The following PCNX4 variants were observed in gnomAD, a reference collection of about 807,000 sequenced individuals.
PCNX4 encodes the protein pecanex-like protein 4.
Under a neutral mutation model 107.2 loss-of-function variants are expected in PCNX4, and 103 were observed. That is an observed-to-expected ratio of 0.96 (90% confidence interval 0.82 to 1.13). The LOEUF is 1.13. Among genes scored for constraint, PCNX4 ranks in the 50% most tolerant of loss-of-function variants. The probability of loss-of-function intolerance (pLI) is 0.00; values close to 1 mark genes in which losing one functional copy is unlikely to be tolerated. For synonymous variants in PCNX4, 541 were observed against 481.7 expected (o/e 1.12, Z -1.61); for missense variants, 1,528 against 1,379.4 (o/e 1.11, Z -1.71).
chr14:60,146,527 T>G lies in PCNX4; in HGVS notation c.*12306T>G, dbSNP rs1018487377. 1 of 152,192 alleles carries G rather than the reference T, an allele frequency of 6.6e-6. No homozygotes were observed. The highest frequency in any genetic ancestry group is 2.4e-5 in the African/African-American group (1 of 41,446). 9.4% of individuals were successfully genotyped at this position (152,192 alleles called of 1,614,324 possible). ...TTACCATCTGATCCAGCAATTCCAC[T>G]TAAGGGTATAAATCTAAAGGAAGTG... On this transcript the variant is annotated 3_prime_UTR_variant, in exon 11 of 11. Transcript: ENST00000406854. The surrounding 1 kb of genome is among the most constrained non-coding windows in gnomAD (Gnocchi z 4.9).
rs1197359549 is a variant in PCNX4 at position 60,124,347 on chromosome 14, A to G, written c.2176A>G (p.Thr726Ala). ...SLNEHFGNVL[T>A]PCTVLPVKLY... is the part of the protein sequence containing the mutation. The stretch of plus-strand genomic sequence containing the variant: ...TAATGAACACTTTGGAAATGTCTTG[A>G]CACCCTGTACTGTTTTGCCTGTGAA... Residue 726 changes from threonine to alanine, a missense_variant, in exon 9 of 11, where the codon ACA becomes GCA. By Grantham distance (58) the Thr-to-Ala change is moderately conservative (BLOSUM62 0). Coordinates refer to ENST00000406854, the MANE Select transcript of PCNX4 (RefSeq NM_001330177.2). 1 of 1,613,150 alleles carries G rather than the reference A, an allele frequency of 6.2e-7. No individual in the cohort carries two copies. The highest frequency in any genetic ancestry group is 1.7e-5 in the Admixed American group (1 of 59,794).
intron 2 of PCNX4, among the ~76,000 whole-genome samples, chr14:60,112,830 AAAGTATTGTCC>A (rs1330152911): frequency 6.6e-6 from 1 of 152,250 alleles, no homozygotes. Flanking sequence ...TTATTTTAAC[AAAGTATTGTCC>A]TCTAATTTAA....
At chr14:60,104,733 A>C (rs1895598784) in intron 1 of PCNX4, among the ~76,000 whole-genome samples, 1 of 152,188 alleles carries the variant, frequency 6.6e-6, no homozygotes, top group African/African-American at 2.4e-5. Flanking sequence ...CGTGAGACTT[A>C]TTCACTACCA....
At position 60,134,198 on chromosome 14, in the gene PCNX4, C is replaced by A; in HGVS notation, c.3496C>A (p.Pro1166Thr). The A allele has an allele frequency of 6.2e-7, 1 of 1,613,612 alleles. No individual in the cohort carries two copies. Among genetic ancestry groups the A allele is most frequent in the East Asian group, 2.2e-5 (1 of 44,868 alleles). Reference protein sequence around the residue: ...PLGYPIYSSKPLHIHLY With the variant: ...PLGYPIYSSKTLHIHLY ...GGGATATCCGATTTATTCTTCAAAA[C>A]CTCTCCACATACATTTGTATTAGAG... The change falls in exon 11 of 11, where the codon CCT (proline) becomes ACT (threonine). Residue 1166 changes from proline to threonine, a missense_variant. Transcript: ENST00000406854.
In PCNX4 at chr14:60,147,562, A is replaced by G. The variant is rs1896440548; in HGVS notation, c.*13341A>G. On this transcript the variant is annotated 3_prime_UTR_variant, in exon 11 of 11. Coordinates refer to ENST00000406854, the MANE Select transcript of PCNX4 (RefSeq NM_001330177.2). Reference sequence around the variant, plus strand: ...TTAAGGAAGCTGAATATCCTGCTATATCTAACTCAAGCTGAGAAGGGGGAA... The same window carrying G: ...TTAAGGAAGCTGAATATCCTGCTATGTCTAACTCAAGCTGAGAAGGGGGAA... 6.6e-6 allele frequency: 1 copy of G among 152,180 alleles called. No homozygotes were observed. The highest frequency in any genetic ancestry group is 2.4e-5 in the African/African-American group (1 of 41,436). The allele number at this position is 152,180 out of a possible 1,614,324, so 9.4% of individuals were successfully genotyped here.
intron 7 of PCNX4, among the ~76,000 whole-genome samples, chr14:60,119,915 A>G (rs1453327728): frequency 6.6e-6 from 1 of 152,210 alleles, no homozygotes; most frequent in Non-Finnish European, 1.5e-5. Flanking sequence ...AGGAAATGTA[A>G]ATTTGTACAA....
Position 60,114,955 on chromosome 14 carries a change from CTT to C in PCNX4, c.870-10_870-9del, listed in dbSNP as rs35459418. 2.9e-5 allele frequency: 43 copies of C among 1,488,806 alleles called. No individual in the cohort carries two copies. In the South Asian group the frequency reaches 3.4e-4, roughly 12 times the overall value. The allele number at this position is 1,488,806 out of a possible 1,614,324, so 92.2% of individuals were successfully genotyped here. Reference sequence around the variant, plus strand: ...TTTCTTTTCAAGTAAATATTTTTTTCTTTTTTTTTTCTGTACAGGTTATTAGT... The same window carrying C: ...TTTCTTTTCAAGTAAATATTTTTTTCTTTTTTTTCTGTACAGGTTATTAGT... On this transcript the variant is annotated splice_polypyrimidine_tract_variant and intron_variant, in intron 3 of 10. Coordinates refer to ENST00000406854, the MANE Select transcript of PCNX4 (RefSeq NM_001330177.2).
intron 2 of PCNX4, chr14:60,109,535 G>A: frequency 6.2e-6 from 1 of 162,064 alleles, no homozygotes. Context: ...CCGCCTCCTG[G>A]CTTCAAGTGA....
Position 60,136,558 on chromosome 14 carries a change from GAC to G in PCNX4, c.*2343_*2344del, listed in dbSNP as rs1896242553. The stretch of plus-strand genomic sequence containing the variant: ...GAAGGGAAGGTGAGAGTTAAAGAAA[GAC>G]ACACAGAGGGCAGCTTGACAGCAAA... On this transcript the variant is annotated 3_prime_UTR_variant, in exon 11 of 11. Transcript: ENST00000406854. The G allele has an allele frequency of 6.6e-6, 1 of 152,410 alleles. No individual in the cohort carries two copies. The highest frequency in any genetic ancestry group is 2.4e-5 in the African/African-American group (1 of 41,450). 9.4% of individuals were successfully genotyped at this position (152,410 alleles called of 1,614,324 possible). A position where few individuals can be genotyped will look rare whatever the true frequency, so the allele number is the denominator to read the frequency against.
At chr14:60,127,763 AAGC>A (rs1443325333) in intron 10 of PCNX4, among the ~76,000 whole-genome samples, 4 of 152,224 alleles carry the variant, frequency 2.6e-5, no homozygotes, top group Non-Finnish European at 5.9e-5. Flanking sequence ...CGGGGGAAAA[AAGC>A]AGACAACCAG....
intron 6 of PCNX4, among the ~76,000 whole-genome samples, chr14:60,116,299 T>C (rs1895847553): frequency 6.6e-6 from 1 of 152,228 alleles, no homozygotes; most frequent in Admixed American, 6.5e-5. Flanking sequence ...TTGCATATTT[T>C]AGATACTTCA....
chr14:60,125,337 G>A lies in PCNX4; in HGVS notation c.3080+86G>A, dbSNP rs190042159. ...ATCACGTACAAGAAGACAGTTATTCGTTTCTAGTTTTTTAAAATTTACTTT... is the reference window on the plus strand; with the variant it reads ...ATCACGTACAAGAAGACAGTTATTCATTTCTAGTTTTTTAAAATTTACTTT... On this transcript the variant is annotated intron_variant, in intron 9 of 10. Transcript: ENST00000406854. The A allele has an allele frequency of 7.1e-3, 9,140 of 1,287,898 alleles. 44 individuals are homozygous for A. Among genetic ancestry groups the A allele is most frequent in the Non-Finnish European group, 8.4e-3 (8,240 of 977,484 alleles). 79.8% of individuals were successfully genotyped at this position (1,287,898 alleles called of 1,614,324 possible).
Position 60,124,481 on chromosome 14 carries a change from A to C in PCNX4, c.2310A>C (p.Gln770His). The change falls in exon 9 of 11, where the codon CAA becomes CAC. Residue 770 changes from glutamine to histidine, a missense_variant. Coordinates refer to ENST00000406854, the MANE Select transcript of PCNX4 (RefSeq NM_001330177.2). ...LIKVLVWILV[Q>H]YCSKRPGMKE... is the part of the protein sequence containing the mutation. ...AAGTACTTGTGTGGATACTTGTTCA[A>C]TACTGCTCCAAAAGGCCTGGCATGA... 6.2e-7 allele frequency: 1 copy of C among 1,613,804 alleles called. No individual in the cohort carries two copies.
At position 60,138,673 on chromosome 14, in the gene PCNX4, A is replaced by T. The variant is rs889813392; in HGVS notation, c.*4452A>T. On this transcript the variant is annotated 3_prime_UTR_variant, in exon 11 of 11. Transcript: ENST00000406854. The stretch of plus-strand genomic sequence containing the variant: ...TAAGAATGAAGGCAAAGACACTTTC[A>T]AACGCAACAAATTTAATAGCAGATT... 1.3e-5 allele frequency: 2 copies of T among 152,188 alleles called. No homozygotes were observed. Among genetic ancestry groups the T allele is most frequent in the Non-Finnish European group, 2.9e-5 (2 of 68,020 alleles). The allele number at this position is 152,188 out of a possible 1,614,324, so 9.4% of individuals were successfully genotyped here.
rs1469290977 is a variant in PCNX4, at chr14:60,145,176, C to T, written c.*10955C>T. 7.5e-5 allele frequency: 38 copies of T among 507,800 alleles called. No homozygotes were observed. The highest frequency in any genetic ancestry group is 1.0e-4 in the Non-Finnish European group (30 of 300,346). The allele number at this position is 507,800 out of a possible 1,614,324, so 31.5% of individuals were successfully genotyped here. ...TTAAATTAGAATTTAAAAATCATAGCCAAAATTCTAGATGTACACAAAAGT... is the reference window on the plus strand; with the variant it reads ...TTAAATTAGAATTTAAAAATCATAGTCAAAATTCTAGATGTACACAAAAGT... On this transcript the variant is annotated 3_prime_UTR_variant, in exon 11 of 11. Coordinates refer to ENST00000406854, the MANE Select transcript of PCNX4 (RefSeq NM_001330177.2). The surrounding 1 kb of genome is among the most constrained non-coding windows in gnomAD (Gnocchi z 4.0).
At chr14:60,121,382 A>T in intron 8 of PCNX4, 83 bp downstream of exon 8, 1 of 1,364,146 alleles carries the variant, frequency 7.3e-7, no homozygotes, top group South Asian at 1.4e-5. Flanking sequence ...CAAACACTCA[A>T]TTTGAAAGAA....
chr14:60,116,855 A>G (rs748986692), intron 6 of PCNX4, among the ~76,000 whole-genome samples: 2 of 152,204 alleles, frequency 1.3e-5, no homozygotes, highest in African/African-American at 2.4e-5. Context: ...AGACAGTAAT[A>G]CTAATGATCT....
rs1895895065 is a variant in PCNX4, at chr14:60,118,502, A to G, written c.1752A>G (p.Thr584=). The part of the protein sequence containing the change: ...PFVLVIIVFS[T]LLSSPLLPLF... ...TGTTGGTCATCATAGTTTTTTCTAC[A>G]CTACTCTCTTCTCCCTTACTCCCTC... Residue 584 remains threonine, a synonymous_variant, in exon 7 of 11, where the codon ACA becomes ACG. Transcript: ENST00000406854. The G allele has an allele frequency of 1.2e-6, 2 of 1,613,560 alleles. No homozygotes were observed. Among genetic ancestry groups the G allele is most frequent in the Non-Finnish European group, 1.7e-6 (2 of 1,179,788 alleles).
intron 1 of PCNX4, among the ~76,000 whole-genome samples, chr14:60,102,628 CTTAAA>C (rs1895554838): frequency 6.6e-6 from 1 of 152,142 alleles, no homozygotes; most frequent in Non-Finnish European, 1.5e-5. Flanking sequence ...AAGCCTATGG[CTTAAA>C]TTAGTGTTGT....
Sources: gnomAD v4.1 joint callset for allele counts (sites outside exome capture counted in the v4.1 genomes callset) on GRCh38, gnomAD v4.1.1 for gene constraint, Gnocchi (gnomAD v3.1) non-coding constraint, MANE v1.5 for transcripts, NCBI Gene and HGNC (gene_info 2026-07-23, HGNC 2026-07-21) for gene names.